HEATR1: variants seen among roughly 807,000 people sequenced by gnomAD.
HEATR1 encodes HEAT repeat containing 1.
In HEATR1, 77 loss-of-function variants were observed where a neutral mutation model predicts 248.2. The observed-to-expected ratio is 0.31, with a 90% confidence interval of 0.26 to 0.37. HEATR1 has a LOEUF of 0.37. Among genes scored for constraint, HEATR1 ranks in the 10% least tolerant of loss-of-function variants. The pLI, the probability that HEATR1 is intolerant of heterozygous loss-of-function variation, is 1.00. For missense variants in HEATR1, 2,420 were observed against 2,504.9 expected (o/e 0.97, Z 0.72); for synonymous variants, 897 against 923.1 (o/e 0.97, Z 0.51).
chr1:236,572,372 A>G, intron 26 of HEATR1, 39 bp downstream of exon 26: 1 of 1,596,656 alleles, frequency 6.3e-7, no homozygotes, highest in Non-Finnish European at 8.6e-7. Context: ...CAAGAATTAG[A>G]GTCCTATTCT....
chr1:236,586,104 G>T, intron 15 of HEATR1, 137 bp downstream of exon 15: 1 of 1,230,526 alleles, frequency 8.1e-7, no homozygotes, highest in Non-Finnish European at 1.1e-6. Context: ...CCTTTTCACT[G>T]TATACTTTTT....
chr1:236,550,225 G>A lies in HEATR1; in HGVS notation c.*677C>T, dbSNP rs1170634597. On this transcript the variant is annotated 3_prime_UTR_variant, in exon 45 of 45. Coordinates refer to ENST00000366582, the MANE Select transcript of HEATR1 (RefSeq NM_018072.6). ...GAGGAGCTTCCTCGTGCCACCCAGT[G>A]TTTCTGGGCCCTCTGTGTGAGCAGC... The A allele has an allele frequency of 6.6e-6, 1 of 152,222 alleles. No individual in the cohort carries two copies. Among genetic ancestry groups the A allele is most frequent in the Non-Finnish European group, 1.5e-5 (1 of 68,060 alleles). 9.4% of individuals were successfully genotyped at this position (152,222 alleles called of 1,614,324 possible).
chr1:236,592,993 G>A (rs1057317256), intron 9 of HEATR1, among the ~76,000 whole-genome samples: 9 of 152,122 alleles, frequency 5.9e-5, no homozygotes, highest in East Asian at 1.9e-4. Context: ...ACAGGAGTTC[G>A]AGATCAGCCT....
At chr1:236,570,941 A>G (rs1173156617) in intron 28 of HEATR1, among the ~76,000 whole-genome samples, 1 of 152,232 alleles carries the variant, frequency 6.6e-6, no homozygotes, top group Non-Finnish European at 1.5e-5. Flanking sequence ...GACATAGTTT[A>G]TGATCAAATT....
intron 20 of HEATR1, among the ~76,000 whole-genome samples, chr1:236,577,541 T>G (rs1019655794): frequency 4.3e-5 from 6 of 139,678 alleles, no homozygotes; most frequent in Non-Finnish European, 9.3e-5. Context: ...CAGGCTGGAG[T>G]GCAATGGCAC....
intron 29 of HEATR1, among the ~76,000 whole-genome samples, chr1:236,567,348 T>C (rs539765699): frequency 6.6e-6 from 1 of 152,184 alleles, no homozygotes; most frequent in Non-Finnish European, 1.5e-5. Context: ...CAAGCGCTAC[T>C]TAGCCCCAAG....
At chr1:236,587,856 C>T (rs1230898235) in intron 13 of HEATR1, 92 bp downstream of exon 13, 9 of 871,398 alleles carry the variant, frequency 1.0e-5, no homozygotes, top group Non-Finnish European at 1.6e-5. Context: ...AAATAATTTC[C>T]AAAAATATTC....
intron 31 of HEATR1, among the ~76,000 whole-genome samples, chr1:236,565,085 T>TACCACATAC (rs915718055): frequency 1.3e-5 from 2 of 151,608 alleles, no homozygotes; most frequent in Non-Finnish European, 3.0e-5. Context: ...TCACCACATA[T>TACCACATAC]ACCACATACA....
chr1:236,587,952 A>G lies in HEATR1; in HGVS notation c.1622T>C (p.Phe541Ser), dbSNP rs755382653. Residue 541 changes from phenylalanine to serine, a missense_variant, in exon 13 of 45, where the codon TTT becomes TCT. By Grantham distance (155) the Phe-to-Ser change is radical (BLOSUM62 -2). Coordinates refer to ENST00000366582, the MANE Select transcript of HEATR1 (RefSeq NM_018072.6). ...ACAAATGACAAATTCACTCACCTCA[A>G]AAGCACTTATAGCCGACAAAACAAC... is the stretch of plus-strand genomic sequence containing the variant. Reference protein sequence around the residue: ...IDVVLSAISAFEIFKEHFSSE... With the variant: ...IDVVLSAISASEIFKEHFSSE... 16 of 1,608,852 alleles carry G rather than the reference A, an allele frequency of 9.9e-6. No individual in the cohort carries two copies. The highest frequency in any genetic ancestry group is 1.3e-5 in the Non-Finnish European group (15 of 1,176,958).
chr1:236,572,449 A>C lies in HEATR1; in HGVS notation c.3669T>G (p.Pro1223=). 1 of 1,614,112 alleles carries C rather than the reference A, an allele frequency of 6.2e-7. No individual in the cohort carries two copies. Among genetic ancestry groups the C allele is most frequent in the Admixed American group, 1.7e-5 (1 of 60,026 alleles). ...TAAAAAGAGTTGGCACCAATATCTG[A>C]GGACTTCTGAGCTTCTTTTTGTGCT... The part of the protein sequence containing the change: ...LLQHKKKLRS[P]QILVPTLFNL... The change falls in exon 26 of 45, where the codon CCT becomes CCG. Residue 1223 remains proline (P), a synonymous_variant. Coordinates refer to ENST00000366582, the MANE Select transcript of HEATR1 (RefSeq NM_018072.6).
intron 17 of HEATR1, among the ~76,000 whole-genome samples, chr1:236,583,490 T>C (rs1301175292): frequency 6.7e-6 from 1 of 148,268 alleles, no homozygotes; most frequent in South Asian, 2.2e-4. Context: ...ATTTCTTTTT[T>C]TTTTTTTTTT....
intron 24 of HEATR1, 103 bp from the exon 25 acceptor site, chr1:236,572,931 G>T: frequency 9.6e-7 from 1 of 1,045,032 alleles, no homozygotes; most frequent in Non-Finnish European, 1.5e-6. Flanking sequence ...TAAGAGGGAA[G>T]AATGACTTAC....
In HEATR1 at chr1:236,598,470, T is replaced by C. The variant is rs554617698; in HGVS notation, c.502-491A>G. Among the ~76,000 whole-genome samples, 3 of 152,272 alleles carry C rather than the reference T, an allele frequency of 2.0e-5. No homozygotes were observed. In the East Asian group the frequency reaches 5.8e-4, roughly 29 times the overall value. The stretch of plus-strand genomic sequence containing the variant: ...TGAAAGGAGAATTTTAAGTGAACTT[T>C]AGTAGGTGAGTGGAGTTTGGCTACC... On this transcript the variant is annotated intron_variant, in intron 4 of 44. Coordinates refer to ENST00000366582, the MANE Select transcript of HEATR1 (RefSeq NM_018072.6).
intron 31 of HEATR1, among the ~76,000 whole-genome samples, chr1:236,565,647 T>C (rs1663249650): frequency 6.6e-6 from 1 of 152,250 alleles, no homozygotes; most frequent in Non-Finnish European, 1.5e-5. Flanking sequence ...GATCATTTAC[T>C]GTCATTTGAA....
At position 236,586,228 on chromosome 1, in the gene HEATR1, C is replaced by A; in HGVS notation, c.1927+13G>T. The A allele has an allele frequency of 6.3e-7, 1 of 1,577,666 alleles. No individual in the cohort carries two copies. The highest frequency in any genetic ancestry group is 8.6e-7 in the Non-Finnish European group (1 of 1,161,660). On this transcript the variant is annotated intron_variant, in intron 15 of 44. Transcript: ENST00000366582. ...CTGTTCACTTTTTCTAAAAAAACAA[C>A]TGAATTTTTTACCTTCTTCCCAGCC...
Position 236,558,499 on chromosome 1 carries a change from G to C in HEATR1, c.4942C>G (p.Leu1648Val). The C allele has an allele frequency of 6.2e-7, 1 of 1,613,620 alleles. No individual in the cohort carries two copies. The highest frequency in any genetic ancestry group is 1.7e-5 in the Admixed American group (1 of 59,986). ...VTRFLKLVPDLLAIVQRKKKE... is the reference protein window; with the variant it reads ...VTRFLKLVPDVLAIVQRKKKE... ...TTCTTACGCTGCACAATGGCCAAAA[G>C]GTCTGGAACCAGTTTTAGGAAACGG... The change falls in exon 36 of 45, where the codon CTT (leucine) becomes GTT (valine). Residue 1648 changes from leucine to valine, a missense_variant. By Grantham distance (32) the Leu-to-Val change is conservative (BLOSUM62 1). Coordinates refer to ENST00000366582, the MANE Select transcript of HEATR1 (RefSeq NM_018072.6).
chr1:236,553,391 TAAAAAACAAA>T (rs1325145984), intron 43 of HEATR1, among the ~76,000 whole-genome samples, 180 bp downstream of exon 43: 2 of 152,272 alleles, frequency 1.3e-5, no homozygotes, highest in South Asian at 2.1e-4. Flanking sequence ...AGCCTGTAAG[TAAAAAACAAA>T]ATTTTCTTAG....
chr1:236,550,524 G>A lies in HEATR1; in HGVS notation c.*378C>T, dbSNP rs76083885. ...GTGAAATCTGCAACATGGATACCATGTATGTAAGATACTGCTGTACAGAAG... is the reference window on the plus strand; with the variant it reads ...GTGAAATCTGCAACATGGATACCATATATGTAAGATACTGCTGTACAGAAG... On this transcript the variant is annotated 3_prime_UTR_variant, in exon 45 of 45. Transcript: ENST00000366582. 8.4e-4 allele frequency: 146 copies of A among 173,382 alleles called. No individual in the cohort carries two copies. The highest frequency in any genetic ancestry group is 3.3e-3 in the African/African-American group (138 of 42,428). 10.7% of individuals were successfully genotyped at this position (173,382 alleles called of 1,614,324 possible).
intron 12 of HEATR1, among the ~76,000 whole-genome samples, chr1:236,590,284 GTGGCGTGATCA>G: frequency 6.6e-6 from 1 of 152,218 alleles, no homozygotes; most frequent in East Asian, 1.9e-4. Flanking sequence ...CTGGAGAGCA[GTGGCGTGATCA>G]TGGCTCGCTG....
Sources: allele counts gnomAD v4.1 joint callset (sites outside exome capture counted in the v4.1 genomes callset), GRCh38; gene constraint gnomAD v4.1.1; transcripts MANE v1.5; gene names NCBI Gene and HGNC (gene_info 2026-07-23, HGNC 2026-07-21).